Variants in PTPRD observed in about 807,000 individuals in gnomAD.
PTPRD encodes the protein receptor-type tyrosine-protein phosphatase delta.
A neutral mutation model predicts 214.5 loss-of-function variants in PTPRD; 34 were observed. The ratio of observed to expected loss-of-function variants is 0.16; its 90% CI spans 0.12 to 0.21. The LOEUF (loss-of-function observed/expected upper bound fraction) is 0.21, where lower values mean the gene tolerates loss of function less well. Among genes scored for constraint, PTPRD ranks in the 10% least tolerant of loss-of-function variants. The probability of loss-of-function intolerance (pLI) is 1.00; values close to 1 mark genes in which losing one functional copy is unlikely to be tolerated. For missense variants in PTPRD, 2,545 were observed against 2,398.7 expected (o/e 1.06, Z -1.27); for synonymous variants, 1,128 against 845.7 (o/e 1.33, Z -5.79).
chr9:10,213,445 A>G (rs1437667265), intron 3 of PTPRD, among the ~76,000 whole-genome samples: 1 of 152,072 alleles, frequency 6.6e-6, no homozygotes, highest in Non-Finnish European at 1.5e-5. Context: ...GTCTTTCACT[A>G]TCTGTCAGGT....
At chr9:8,358,197 T>G (rs981649872) in intron 39 of PTPRD, among the ~76,000 whole-genome samples, 1 of 149,292 alleles carries the variant, frequency 6.7e-6, no homozygotes, top group African/African-American at 2.4e-5. Context: ...CTCTAACGGT[T>G]GAAAGTTACA....
chr9:9,473,573 T>C (rs1233169590), intron 8 of PTPRD, among the ~76,000 whole-genome samples: 4 of 152,178 alleles, frequency 2.6e-5, no homozygotes, highest in Non-Finnish European at 2.9e-5. Flanking sequence ...ACAACTGCTG[T>C]ACTAATTTAC....
At chr9:8,770,278 C>T (rs1316762737) in intron 11 of PTPRD, among the ~76,000 whole-genome samples, 3 of 151,520 alleles carry the variant, frequency 2.0e-5, no homozygotes, top group Non-Finnish European at 4.4e-5. Flanking sequence ...AGCTAGATTC[C>T]GTCTCAAATA....
At chr9:10,541,531 C>T (rs2059106206) in intron 2 of PTPRD, among the ~76,000 whole-genome samples, 1 of 151,626 alleles carries the variant, frequency 6.6e-6, no homozygotes, top group African/African-American at 2.4e-5. Flanking sequence ...ATTCTTATCT[C>T]CTTATATATA....
chr9:10,316,094 G>C (rs2096414721), intron 3 of PTPRD, among the ~76,000 whole-genome samples: 1 of 146,032 alleles, frequency 6.8e-6, no homozygotes, highest in Non-Finnish European at 1.5e-5. Context: ...TGATGCTAAG[G>C]TAATTTATGT....
intron 11 of PTPRD, among the ~76,000 whole-genome samples, chr9:8,821,818 C>T (rs184175092): frequency 3.8e-4 from 58 of 152,286 alleles, no homozygotes; most frequent in Middle Eastern, 3.4e-3. Flanking sequence ...GCAACTGCCA[C>T]CATGCCCCAC....
intron 2 of PTPRD, among the ~76,000 whole-genome samples, chr9:10,400,816 GT>G (rs1458903505): frequency 1.3e-5 from 2 of 151,286 alleles, no homozygotes; most frequent in Admixed American, 1.3e-4. Flanking sequence ...TGATCTGATA[GT>G]TTACTTAGGA....
intron 2 of PTPRD, among the ~76,000 whole-genome samples, chr9:10,564,733 C>T (rs35479218): frequency 6.6e-5 from 10 of 152,150 alleles, no homozygotes; most frequent in Non-Finnish European, 1.5e-4. Flanking sequence ...CTTTCAAACT[C>T]TTATGACTAA....
intron 8 of PTPRD, among the ~76,000 whole-genome samples, chr9:9,567,241 A>G (rs2084852443): frequency 6.6e-6 from 1 of 151,562 alleles, no homozygotes; most frequent in African/African-American, 2.4e-5. Flanking sequence ...AAATGCAGAG[A>G]TGATTGATTG....
chr9:10,179,985 A>G (rs2099272481), intron 3 of PTPRD, among the ~76,000 whole-genome samples: 1 of 152,144 alleles, frequency 6.6e-6, no homozygotes, highest in South Asian at 2.1e-4. Context: ...AAAAGTTGAA[A>G]TAAGATATGA....
At position 10,534,802 on chromosome 9, in the gene PTPRD, C is replaced by T. The variant is rs1234540481; in HGVS notation, c.-600+77596G>A. 2.0e-5 allele frequency among the ~76,000 whole-genome samples: 3 copies of T among 152,130 alleles called. No individual in the cohort carries two copies. In the East Asian group the frequency reaches 5.8e-4, roughly 29 times the overall value. ...AGAGGCACCATTTCATTTAATTAGT[C>T]CTCTCATTATAAATATTTTCCACAG... On this transcript the variant is annotated intron_variant, in intron 2 of 45. Coordinates refer to ENST00000381196, the MANE Select transcript of PTPRD (RefSeq NM_002839.4).
At chr9:10,135,291 T>C (rs1286491018) in intron 3 of PTPRD, among the ~76,000 whole-genome samples, 1 of 152,080 alleles carries the variant, frequency 6.6e-6, no homozygotes, top group Non-Finnish European at 1.5e-5. Flanking sequence ...ATTAAGCAAC[T>C]TGGAAACAGT....
intron 3 of PTPRD, among the ~76,000 whole-genome samples, chr9:10,305,280 G>A (rs746781804): frequency 2.7e-5 from 4 of 149,252 alleles, no homozygotes; most frequent in South Asian, 2.1e-4. Context: ...AGACTTAAAC[G>A]TAAGACCTAA....
At chr9:10,098,452 C>T (rs112027072) in intron 3 of PTPRD, among the ~76,000 whole-genome samples, 2 of 151,392 alleles carry the variant, frequency 1.3e-5, no homozygotes, top group Admixed American at 6.6e-5. Context: ...ATGTAACAAA[C>T]CTGCACGTTG....
In PTPRD at chr9:8,633,360, A is replaced by C. The variant is rs200877251; in HGVS notation, c.309T>G (p.Asn103Lys). 6.2e-7 allele frequency: 1 copy of C among 1,612,742 alleles called. No individual in the cohort carries two copies. Among genetic ancestry groups the C allele is most frequent in the African/African-American group, 1.3e-5 (1 of 74,942 alleles). The change falls in exon 14 of 46, where the codon AAT (asparagine) becomes AAG (lysine). Residue 103 changes from asparagine to lysine, a missense_variant. Transcript: ENST00000381196. The part of the protein sequence containing the change: ...EAIYECVASN[N>K]VGEISVSTRL... Reference sequence around the variant, plus strand: ...TGGTGGATACACTTATTTCTCCCACATTATTTGAGGCCACACATTCATAAA... The same window carrying C: ...TGGTGGATACACTTATTTCTCCCACCTTATTTGAGGCCACACATTCATAAA...
chr9:9,472,193 T>A (rs1394214188), intron 8 of PTPRD, among the ~76,000 whole-genome samples: 2 of 90,038 alleles, frequency 2.2e-5, no homozygotes, highest in South Asian at 4.5e-4. Context: ...TCCAATCTTT[T>A]TTTTTTTTTT....
rs556449091 is a variant in PTPRD, at chr9:10,479,977, C to A, written c.-600+132421G>T. ...TTTTTAAGAATCAAATTTTCTACCC[C>A]TAATAAAAAGGGAGAAGTCTGGAGG... On this transcript the variant is annotated intron_variant, in intron 2 of 45. Coordinates refer to ENST00000381196, the MANE Select transcript of PTPRD (RefSeq NM_002839.4). Among the ~76,000 whole-genome samples the A allele has an allele frequency of 2.0e-5, 3 of 152,156 alleles. No homozygotes were observed. The South Asian group carries it at 6.2e-4, about 32-fold the overall frequency.
intron 20 of PTPRD, 92 bp downstream of exon 20, chr9:8,521,185 T>G (rs1423944129): frequency 3.6e-6 from 5 of 1,386,412 alleles, no homozygotes; most frequent in Non-Finnish European, 4.9e-6. Context: ...AATAATGAAT[T>G]ATTTTAGATT....
At chr9:9,116,720 C>A (rs994584727) in intron 10 of PTPRD, among the ~76,000 whole-genome samples, 9 of 152,044 alleles carry the variant, frequency 5.9e-5, no homozygotes, top group African/African-American at 1.9e-4. Flanking sequence ...TATTTTCAAG[C>A]AATCTTTCAG....
Sources: allele counts gnomAD v4.1 joint callset (sites outside exome capture counted in the v4.1 genomes callset), GRCh38; gene constraint gnomAD v4.1.1; transcripts MANE v1.5; gene names NCBI Gene and HGNC (gene_info 2026-07-23, HGNC 2026-07-21).